Variants in MEF2A observed in about 807,000 individuals in gnomAD.
MEF2A encodes the protein myocyte-specific enhancer factor 2A.
A neutral mutation model predicts 55.8 loss-of-function variants in MEF2A; 28 were observed. That is an observed-to-expected ratio of 0.50 (90% CI 0.37 to 0.69). MEF2A has a LOEUF of 0.69. MEF2A is among the 30% of genes least tolerant of loss of function. The pLI is 0.00. For synonymous variants in MEF2A, 239 were observed against 227.1 expected (o/e 1.05, Z -0.47); for missense variants, 528 against 626.2 (o/e 0.84, Z 1.67).
chr15:99,704,388 G>T (rs8037206), intron 9 of MEF2A, among the ~76,000 whole-genome samples: 54,179 of 152,076 alleles, frequency 0.36, 10,761 homozygotes, highest in Middle Eastern at 0.49. Context: ...AGCTGTAAAT[G>T]TTTTGAATTA....
At position 99,699,725 on chromosome 15, in the gene MEF2A, A is replaced by T. The variant is rs147312626; in HGVS notation, c.859-3637A>T. Among the ~76,000 whole-genome samples, 152 of 152,352 alleles carry T rather than the reference A, an allele frequency of 1.0e-3. 1 individual carries two copies. The highest frequency in any genetic ancestry group is 6.8e-3 in the Middle Eastern group (2 of 294). On this transcript the variant is annotated intron_variant, in intron 8 of 11. Coordinates refer to ENST00000557942, the MANE Select transcript of MEF2A (RefSeq NM_001319206.4). Reference sequence around the variant, plus strand: ...TTAGAGACCAACGAAATTGTAGCAAATCACTGTGCTCTAGATGGTAAATTC... The same window carrying T: ...TTAGAGACCAACGAAATTGTAGCAATTCACTGTGCTCTAGATGGTAAATTC...
At chr15:99,647,530 A>G (rs1311123112) in intron 4 of MEF2A, among the ~76,000 whole-genome samples, 2 of 152,182 alleles carry the variant, frequency 1.3e-5, no homozygotes, top group East Asian at 3.8e-4. Context: ...TCCCTAGAGA[A>G]TACGGAGAAT....
intron 4 of MEF2A, among the ~76,000 whole-genome samples, chr15:99,654,221 C>T (rs2153531157): frequency 6.6e-6 from 1 of 152,152 alleles, no homozygotes; most frequent in East Asian, 1.9e-4. Flanking sequence ...TGATATTAGA[C>T]TCTCAAATCC....
chr15:99,570,974 C>T (rs1038219519), intron 1 of MEF2A, among the ~76,000 whole-genome samples: 4 of 151,932 alleles, frequency 2.6e-5, no homozygotes, highest in South Asian at 4.1e-4. Flanking sequence ...CACCTGAGGT[C>T]GGGAGTTTGA....
chr15:99,666,574 A>G (rs1277009791), intron 4 of MEF2A, among the ~76,000 whole-genome samples: 2 of 65,410 alleles, frequency 3.1e-5, no homozygotes, highest in African/African-American at 7.1e-5. Context: ...CCCAGAACTT[A>G]AAGTATAATA....
At chr15:99,671,286 G>A in intron 4 of MEF2A, 37 bp from the exon 5 acceptor site, 2 of 1,583,052 alleles carry the variant, frequency 1.3e-6, no homozygotes, top group Admixed American at 3.6e-5. Flanking sequence ...TGGCAAGTTA[G>A]CATTATTTGT....
intron 1 of MEF2A, among the ~76,000 whole-genome samples, chr15:99,583,747 T>C (rs897689071): frequency 1.3e-5 from 2 of 152,142 alleles, no homozygotes; most frequent in Non-Finnish European, 2.9e-5. Flanking sequence ...CAGGCTAATA[T>C]TAAGTTTAAT....
At chr15:99,693,453 A>G (rs974308151) in intron 8 of MEF2A, among the ~76,000 whole-genome samples, 4 of 152,110 alleles carry the variant, frequency 2.6e-5, no homozygotes, top group Non-Finnish European at 5.9e-5. Flanking sequence ...ATGCACGCAC[A>G]CACACTCTCA....
At chr15:99,607,521 A>G (rs1975585004) in intron 2 of MEF2A, among the ~76,000 whole-genome samples, 1 of 152,198 alleles carries the variant, frequency 6.6e-6, no homozygotes, top group Non-Finnish European at 1.5e-5. Flanking sequence ...AACCGAGATT[A>G]TTTCTAGTAA....
At chr15:99,651,398 T>C (rs998637078) in intron 4 of MEF2A, among the ~76,000 whole-genome samples, 7 of 152,158 alleles carry the variant, frequency 4.6e-5, no homozygotes, top group African/African-American at 2.4e-5. Context: ...TCCTCTTTTC[T>C]CCCCATGTTA....
At chr15:99,645,917 A>G in intron 4 of MEF2A, 153 bp downstream of exon 4, 1 of 552,138 alleles carries the variant, frequency 1.8e-6, no homozygotes, top group Non-Finnish European at 3.1e-6. Flanking sequence ...TGATTGCTGT[A>G]TGGCGACTCA....
chr15:99,706,795 A>T lies in MEF2A; in HGVS notation c.949A>T (p.Thr317Ser). The change falls in exon 10 of 12, where the codon ACC becomes TCC. Residue 317 changes from threonine (T) to serine (S), a missense_variant. By Grantham distance (58) the Thr-to-Ser change is moderately conservative. Coordinates refer to ENST00000557942, the MANE Select transcript of MEF2A (RefSeq NM_001319206.4). Reference sequence around the variant, plus strand: ...TGCTACCCCAGTCGTGTCTGTGACAACCCCAAGCTTGCCTCCGCAAGGACT... The same window carrying T: ...TGCTACCCCAGTCGTGTCTGTGACATCCCCAAGCTTGCCTCCGCAAGGACT... ...PLATPVVSVT[T>S]PSLPPQGLVY... is the part of the protein sequence containing the mutation. 6.2e-7 allele frequency: 1 copy of T among 1,613,990 alleles called. No homozygotes were observed. Among genetic ancestry groups the T allele is most frequent in the Non-Finnish European group, 8.5e-7 (1 of 1,179,898 alleles).
At chr15:99,682,694 G>C (rs190724549) in intron 7 of MEF2A, among the ~76,000 whole-genome samples, 53 of 152,246 alleles carry the variant, frequency 3.5e-4, no homozygotes, top group Non-Finnish European at 6.8e-4. Flanking sequence ...GAAATACTGT[G>C]CTTTTAAGTC....
chr15:99,643,593 T>G (rs945225581), intron 3 of MEF2A, among the ~76,000 whole-genome samples: 2 of 140,306 alleles, frequency 1.4e-5, no homozygotes, highest in African/African-American at 2.7e-5. Context: ...ATATTGAGAA[T>G]TTTTTTTTTT....
chr15:99,599,221 G>T (rs190429367), intron 2 of MEF2A, among the ~76,000 whole-genome samples: 71 of 152,180 alleles, frequency 4.7e-4, no homozygotes, highest in African/African-American at 1.6e-3. Context: ...AAATGGAAAA[G>T]AAGTGAATTA....
chr15:99,580,437 C>T (rs1317100853), intron 1 of MEF2A, among the ~76,000 whole-genome samples: 1 of 152,130 alleles, frequency 6.6e-6, no homozygotes. Flanking sequence ...TTGACTTATC[C>T]TGCCCGTGCT....
At chr15:99,588,864 A>C (rs1968316786) in intron 1 of MEF2A, among the ~76,000 whole-genome samples, 1 of 151,896 alleles carries the variant, frequency 6.6e-6, no homozygotes, top group South Asian at 2.1e-4. Context: ...AATGTAGTGA[A>C]TTACATTGAT....
At chr15:99,594,242 A>C (rs1970359303) in intron 1 of MEF2A, among the ~76,000 whole-genome samples, 1 of 152,160 alleles carries the variant, frequency 6.6e-6, no homozygotes, top group South Asian at 2.1e-4. Context: ...GGTTTGATTA[A>C]TTTGCTAGAG....
chr15:99,695,823 C>T (rs1302572462), intron 8 of MEF2A, among the ~76,000 whole-genome samples: 4 of 149,766 alleles, frequency 2.7e-5, no homozygotes, highest in Non-Finnish European at 4.4e-5. Flanking sequence ...CATGCTATTG[C>T]GCTCCAGCCT....
Sources: gnomAD v4.1 joint callset for allele counts (sites outside exome capture counted in the v4.1 genomes callset) on GRCh38, gnomAD v4.1.1 for gene constraint, MANE v1.5 for transcripts, NCBI Gene and HGNC (gene_info 2026-07-23, HGNC 2026-07-21) for gene names.